Variants in DDR2 observed in about 807,000 individuals in gnomAD.
DDR2 encodes the protein discoidin domain receptor tyrosine kinase 2, also known as discoidin domain-containing receptor 2.
In DDR2, 27 loss-of-function variants were observed where a neutral mutation model predicts 94.9. The observed-to-expected ratio is 0.28, with a 90% CI of 0.21 to 0.39. DDR2 has a LOEUF of 0.39. DDR2 is among the 10% of genes least tolerant of loss of function. DDR2 has a pLI of 1.00. For synonymous variants in DDR2, 382 were observed against 377.2 expected (o/e 1.01, Z -0.15); for missense variants, 783 against 1,076.0 (o/e 0.73, Z 3.81).
intron 3 of DDR2, among the ~76,000 whole-genome samples, chr1:162,729,675 G>T (rs1396658676): frequency 6.6e-6 from 1 of 151,134 alleles, no homozygotes; most frequent in East Asian, 1.9e-4. Flanking sequence ...AATAAGAAGA[G>T]GGAGGGGGAA....
chr1:162,767,658 A>G (rs1664063793), intron 11 of DDR2, among the ~76,000 whole-genome samples: 1 of 152,172 alleles, frequency 6.6e-6, no homozygotes. Flanking sequence ...GATTTTGGGT[A>G]GAGTCCAGGC....
At chr1:162,700,396 C>A (rs1195032861) in intron 2 of DDR2, among the ~76,000 whole-genome samples, 1 of 152,152 alleles carries the variant, frequency 6.6e-6, no homozygotes, top group Non-Finnish European at 1.5e-5. Flanking sequence ...TGCCACATCC[C>A]TTTTCAGGGA....
intron 3 of DDR2, among the ~76,000 whole-genome samples, chr1:162,737,973 G>A (rs1472040178): frequency 7.2e-5 from 11 of 151,908 alleles, no homozygotes; most frequent in Admixed American, 1.3e-4. Context: ...AGAAGTGTCC[G>A]TTCATGACAA....
At chr1:162,734,144 T>G (rs926214883) in intron 3 of DDR2, among the ~76,000 whole-genome samples, 14 of 152,198 alleles carry the variant, frequency 9.2e-5, no homozygotes, top group African/African-American at 2.9e-4. Flanking sequence ...CATACACATT[T>G]GTAAAAGAAA....
At position 162,786,697 on chromosome 1, in the gene DDR2, C is replaced by T. The variant is rs918434728; in HGVS notation, c.*6451C>T. ...AGAGCTGGGGTGTATGTGGTATGGA[C>T]ACCTGTTTGTGGGGCTTTCCAGCAA... On this transcript the variant is annotated 3_prime_UTR_variant, in exon 18 of 18. Transcript: ENST00000367921. The T allele has an allele frequency of 1.3e-5, 2 of 152,176 alleles. No individual in the cohort carries two copies. Among genetic ancestry groups the T allele is most frequent in the African/African-American group, 4.8e-5 (2 of 41,432 alleles). The allele number at this position is 152,176 out of a possible 1,614,324, so 9.4% of individuals were successfully genotyped here. A position where few individuals can be genotyped will look rare whatever the true frequency, so the allele number is the denominator to read the frequency against.
chr1:162,681,656 G>T (rs1005647131), intron 2 of DDR2, among the ~76,000 whole-genome samples: 4 of 152,160 alleles, frequency 2.6e-5, no homozygotes, highest in African/African-American at 9.7e-5. Context: ...TTCTTGCTGT[G>T]TTGTCACATG....
intron 2 of DDR2, among the ~76,000 whole-genome samples, chr1:162,660,028 G>A (rs553996973): frequency 7.9e-5 from 12 of 152,282 alleles, no homozygotes; most frequent in Admixed American, 6.5e-5. Context: ...CTTGCTGGCT[G>A]TGTTCACTGA....
intron 2 of DDR2, among the ~76,000 whole-genome samples, chr1:162,688,605 C>T (rs1486258867): frequency 6.6e-6 from 1 of 152,168 alleles, no homozygotes; most frequent in Non-Finnish European, 1.5e-5. Flanking sequence ...AGTTGAAGAA[C>T]ATTTATACAT....
At chr1:162,703,469 C>T (rs1660520227) in intron 2 of DDR2, among the ~76,000 whole-genome samples, 1 of 152,186 alleles carries the variant, frequency 6.6e-6, no homozygotes, top group African/African-American at 2.4e-5. Flanking sequence ...TGCCAGAGCA[C>T]TGTTGTCCAT....
At chr1:162,778,058 C>T (rs1390525014) in intron 16 of DDR2, 1 of 165,994 alleles carries the variant, frequency 6.0e-6, no homozygotes, top group African/African-American at 2.4e-5. Flanking sequence ...ATCCACTTCA[C>T]AGTGTGGTTG....
intron 3 of DDR2, among the ~76,000 whole-genome samples, chr1:162,750,533 T>C (rs942805012): frequency 3.9e-5 from 6 of 152,138 alleles, no homozygotes; most frequent in Non-Finnish European, 7.3e-5. Flanking sequence ...TGCTCGTGGG[T>C]AGGAAGAATC....
At chr1:162,634,637 CG>C (rs1435225401) in intron 1 of DDR2, among the ~76,000 whole-genome samples, 1 of 152,168 alleles carries the variant, frequency 6.6e-6, no homozygotes, top group Non-Finnish European at 1.5e-5. Flanking sequence ...TCCTCCCTCC[CG>C]GGGGAATATT....
intron 3 of DDR2, among the ~76,000 whole-genome samples, chr1:162,733,370 C>A (rs1510310): frequency 1.3e-5 from 2 of 152,046 alleles, no homozygotes; most frequent in African/African-American, 2.4e-5. Context: ...TGGTACAGCT[C>A]AGAAGTGCCA....
At position 162,761,450 on chromosome 1, in the gene DDR2, A is replaced by G. The variant is rs1406055657; in HGVS notation, c.1095A>G (p.Gln365=). 1.9e-6 allele frequency: 3 copies of G among 1,614,044 alleles called. No homozygotes were observed. Among genetic ancestry groups the G allele is most frequent in the African/African-American group, 1.3e-5 (1 of 74,928 alleles). ...TGATGTTCAGTGAGATCACCTTCCA[A>G]TCAGGTAGGGAGCTCAGGTCCTCTT... ...TWMMFSEITF[Q]SDAAMYNNSE... is the part of the protein sequence containing the mutation. Residue 365 remains glutamine (Q), a synonymous_variant, in exon 9 of 18, where the codon CAA becomes CAG. Transcript: ENST00000367921.
intron 4 of DDR2, 145 bp downstream of exon 4, chr1:162,753,342 C>T: frequency 1.3e-6 from 1 of 744,450 alleles, no homozygotes; most frequent in Non-Finnish European, 2.4e-6. Context: ...GTGGGCCTGT[C>T]CTGCTCTGTA....
At position 162,651,021 on chromosome 1, in the gene DDR2, A is replaced by G. The variant is rs117856223; in HGVS notation, c.-191-4190A>G. 1.9e-3 allele frequency among the ~76,000 whole-genome samples: 287 copies of G among 152,020 alleles called. 4 individuals are homozygous for G. The East Asian group carries it at 0.043, about 23-fold the overall frequency. ...TGGGATTACAGGCATGAACCACCGCACCCAGCCCCTCTCCACATTATTATA... is the reference window on the plus strand; with the variant it reads ...TGGGATTACAGGCATGAACCACCGCGCCCAGCCCCTCTCCACATTATTATA... On this transcript the variant is annotated intron_variant, in intron 1 of 17. Transcript: ENST00000367921.
At chr1:162,768,801 C>T (rs915331138) in intron 11 of DDR2, among the ~76,000 whole-genome samples, 9 of 152,194 alleles carry the variant, frequency 5.9e-5, no homozygotes, top group African/African-American at 1.9e-4. Context: ...GCTTTCAATT[C>T]GCAAATAGCA....
At chr1:162,704,478 TA>T (rs1049197386) in intron 2 of DDR2, among the ~76,000 whole-genome samples, 1 of 152,022 alleles carries the variant, frequency 6.6e-6, no homozygotes, top group African/African-American at 2.4e-5. Flanking sequence ...GATACTATAA[TA>T]AAAAAAAGAT....
chr1:162,714,846 T>A (rs1661088130), intron 2 of DDR2, among the ~76,000 whole-genome samples: 1 of 152,192 alleles, frequency 6.6e-6, no homozygotes, highest in Admixed American at 6.5e-5. Context: ...GCTGAATGAA[T>A]GAATGAAGGC....
Sources: gnomAD v4.1 joint callset for allele counts (sites outside exome capture counted in the v4.1 genomes callset) on GRCh38, gnomAD v4.1.1 for gene constraint, MANE v1.5 for transcripts, NCBI Gene and HGNC (gene_info 2026-07-23, HGNC 2026-07-21) for gene names.